The following PTPRD variants were observed in gnomAD, a reference collection of about 807,000 sequenced individuals.
PTPRD encodes the protein receptor-type tyrosine-protein phosphatase delta.
Under a neutral mutation model 214.5 loss-of-function variants are expected in PTPRD, and 34 were observed. That is an observed-to-expected ratio of 0.16 (90% CI 0.12 to 0.21). The LOEUF is 0.21. Among genes scored for constraint, PTPRD ranks in the 10% least tolerant of loss-of-function variants. The pLI is 1.00. For missense variants in PTPRD, 2,545 were observed against 2,398.7 expected, an observed-to-expected ratio of 1.06 and a Z score of -1.27; for synonymous variants, 1,128 against 845.7, an observed-to-expected ratio of 1.33 and a Z score of -5.79.
chr9:9,052,442 G>T (rs1480240644), intron 10 of PTPRD, among the ~76,000 whole-genome samples: 2 of 152,146 alleles, frequency 1.3e-5, no homozygotes, highest in East Asian at 3.8e-4. Context: ...ATTCCTTTGT[G>T]TCCCATACAT....
intron 11 of PTPRD, among the ~76,000 whole-genome samples, chr9:8,899,432 C>G (rs544688806): frequency 2.0e-5 from 3 of 152,286 alleles, no homozygotes; most frequent in African/African-American, 7.2e-5. Context: ...TGTTGTTCAA[C>G]TAGAGATCGG....
chr9:9,735,315 C>G (rs1358304097), intron 6 of PTPRD, among the ~76,000 whole-genome samples: 1 of 152,024 alleles, frequency 6.6e-6, no homozygotes, highest in Non-Finnish European at 1.5e-5. Flanking sequence ...GAACTTCTAA[C>G]CATTATTATT....
intron 11 of PTPRD, among the ~76,000 whole-genome samples, chr9:8,856,573 G>C (rs901287537): frequency 6.6e-6 from 1 of 152,114 alleles, no homozygotes; most frequent in Non-Finnish European, 1.5e-5. Flanking sequence ...GGAAATACAA[G>C]GAGAACGAGC....
chr9:9,342,009 A>G (rs552203753), intron 9 of PTPRD, among the ~76,000 whole-genome samples: 3 of 152,170 alleles, frequency 2.0e-5, no homozygotes, highest in East Asian at 3.9e-4. Context: ...GGATTTTGCC[A>G]TATTGGTCAG....
At chr9:9,987,015 C>G (rs2095738203) in intron 4 of PTPRD, among the ~76,000 whole-genome samples, 1 of 151,904 alleles carries the variant, frequency 6.6e-6, no homozygotes, top group Non-Finnish European at 1.5e-5. Flanking sequence ...GAGAGTAATT[C>G]AGGAAAGTAG....
At chr9:10,006,270 T>C (rs1185629826) in intron 4 of PTPRD, among the ~76,000 whole-genome samples, 1 of 152,062 alleles carries the variant, frequency 6.6e-6, no homozygotes, top group Non-Finnish European at 1.5e-5. Flanking sequence ...CTACTTAGCA[T>C]TTGATACAAG....
chr9:9,239,374 T>C (rs981928574), intron 9 of PTPRD, among the ~76,000 whole-genome samples: 1 of 152,020 alleles, frequency 6.6e-6, no homozygotes, highest in African/African-American at 2.4e-5. Flanking sequence ...AATACAAACA[T>C]TTTTGCCTGG....
At chr9:8,445,172 T>C (rs1012068586) in intron 34 of PTPRD, among the ~76,000 whole-genome samples, 1 of 152,202 alleles carries the variant, frequency 6.6e-6, no homozygotes, top group Non-Finnish European at 1.5e-5. Context: ...TAAGTCCCCA[T>C]TTTAACTTGG....
chr9:8,707,917 T>G (rs1468221150), intron 12 of PTPRD, among the ~76,000 whole-genome samples: 1 of 152,224 alleles, frequency 6.6e-6, no homozygotes, highest in East Asian at 1.9e-4. Context: ...ATGATCATAG[T>G]GCAAGTTTCC....
At chr9:9,427,892 T>A (rs1373607697) in intron 8 of PTPRD, among the ~76,000 whole-genome samples, 1 of 152,152 alleles carries the variant, frequency 6.6e-6, no homozygotes, top group Non-Finnish European at 1.5e-5. Flanking sequence ...AGGCCTGCCT[T>A]ACAAGAGCTC....
chr9:9,441,737 G>GA, intron 8 of PTPRD, among the ~76,000 whole-genome samples: 1 of 152,072 alleles, frequency 6.6e-6, no homozygotes, highest in East Asian at 1.9e-4. Context: ...AATGAATTTG[G>GA]CATTAATGTC....
intron 12 of PTPRD, among the ~76,000 whole-genome samples, chr9:8,698,044 G>A (rs2097965043): frequency 6.6e-6 from 1 of 152,128 alleles, no homozygotes; most frequent in Non-Finnish European, 1.5e-5. Context: ...CATGTCCACA[G>A]TAAGCATTCA....
intron 14 of PTPRD, among the ~76,000 whole-genome samples, chr9:8,624,467 A>C (rs2095942435): frequency 6.6e-6 from 1 of 151,800 alleles, no homozygotes. Context: ...CACTTACTGA[A>C]TTACTATGTG....
intron 9 of PTPRD, among the ~76,000 whole-genome samples, chr9:9,188,009 C>A (rs1227771363): frequency 1.3e-5 from 2 of 151,982 alleles, no homozygotes; most frequent in African/African-American, 2.4e-5. Flanking sequence ...ACACCACCCA[C>A]GTCAAGATAT....
chr9:9,091,383 C>G, intron 10 of PTPRD: 1 of 669,592 alleles, frequency 1.5e-6, no homozygotes, highest in Non-Finnish European at 2.7e-6. Context: ...CTCCAATCAC[C>G]TTATGACTCT....
intron 10 of PTPRD, among the ~76,000 whole-genome samples, chr9:9,081,240 A>G (rs1469920034): frequency 2.6e-5 from 4 of 152,038 alleles, no homozygotes; most frequent in African/African-American, 7.2e-5. Context: ...TTCTGCCTTA[A>G]TTTCATTATT....
intron 10 of PTPRD, among the ~76,000 whole-genome samples, chr9:9,118,657 C>T (rs755930662): frequency 1.3e-4 from 20 of 152,048 alleles, no homozygotes; most frequent in African/African-American, 4.1e-4. Context: ...TCTATTGAGA[C>T]GACAGGGTTT....
chr9:10,225,674 A>G (rs1202381525), intron 3 of PTPRD, among the ~76,000 whole-genome samples: 1 of 152,064 alleles, frequency 6.6e-6, no homozygotes, highest in Non-Finnish European at 1.5e-5. Flanking sequence ...GGAACAAGAA[A>G]AGTCTACTCT....
chr9:8,554,539 G>C (rs2083134063), intron 14 of PTPRD, among the ~76,000 whole-genome samples: 1 of 152,106 alleles, frequency 6.6e-6, no homozygotes, highest in Non-Finnish European at 1.5e-5. Flanking sequence ...AAGAAGAAAA[G>C]TGGTTTGACT....
Sources: allele counts gnomAD v4.1 joint callset (sites outside exome capture counted in the v4.1 genomes callset), GRCh38; gene constraint gnomAD v4.1.1; transcripts MANE v1.5; gene names NCBI Gene and HGNC (gene_info 2026-07-23, HGNC 2026-07-21).